Variants in RHBDL2 observed in about 807,000 individuals in gnomAD.
The protein encoded by RHBDL2 is rhomboid like 2, also known as rhomboid-related protein 2.
A neutral mutation model predicts 31.7 loss-of-function variants in RHBDL2; 26 were observed. The observed-to-expected ratio is 0.82, with a 90% CI of 0.60 to 1.14. The LOEUF (loss-of-function observed/expected upper bound fraction) is 1.14, where lower values mean the gene tolerates loss of function less well. Among genes scored for constraint, RHBDL2 ranks in the 50% most tolerant of loss-of-function variants. The probability of loss-of-function intolerance (pLI) is 0.00; values close to 1 mark genes in which losing one functional copy is unlikely to be tolerated. For synonymous variants in RHBDL2, 123 were observed against 127.2 expected (o/e 0.97, Z 0.22); for missense variants, 336 against 364.4 (o/e 0.92, Z 0.63).
intron 4 of RHBDL2, among the ~76,000 whole-genome samples, chr1:38,897,873 G>A (rs898839056): frequency 6.6e-6 from 1 of 152,244 alleles, no homozygotes; most frequent in Admixed American, 6.5e-5. Context: ...GCTCACGCCT[G>A]TAATCCCAGC....
chr1:38,901,461 CAA>C (rs532037662), intron 4 of RHBDL2, among the ~76,000 whole-genome samples: 11 of 51,862 alleles, frequency 2.1e-4, no homozygotes, highest in Non-Finnish European at 3.9e-4. Flanking sequence ...GGCTCAGTCT[CAA>C]AAAAAAAAAA....
intron 6 of RHBDL2, among the ~76,000 whole-genome samples, chr1:38,891,026 T>C (rs1191505179): frequency 6.6e-6 from 1 of 152,106 alleles, no homozygotes; most frequent in Admixed American, 6.5e-5. Flanking sequence ...CTCATCACTT[T>C]GGGAGGCTGA....
chr1:38,925,516 C>CAA (rs796466193), intron 1 of RHBDL2, among the ~76,000 whole-genome samples: 84 of 126,034 alleles, frequency 6.7e-4, no homozygotes, highest in Admixed American at 1.4e-3. Flanking sequence ...GATTCTGTCT[C>CAA]AAAAAAAAAA....
At chr1:38,919,476 C>T in intron 1 of RHBDL2, 139 bp from the exon 2 acceptor site, 1 of 656,948 alleles carries the variant, frequency 1.5e-6, no homozygotes, top group Non-Finnish European at 2.3e-6. Flanking sequence ...CATGTATCAG[C>T]TGTAAGTTAA....
At chr1:38,898,397 G>C (rs1052255143) in intron 4 of RHBDL2, among the ~76,000 whole-genome samples, 8 of 152,162 alleles carry the variant, frequency 5.3e-5, no homozygotes, top group Admixed American at 3.3e-4. Flanking sequence ...ATAATCATAT[G>C]AGAAATTTAT....
chr1:38,886,716 T>C, intron 7 of RHBDL2, 33 bp from the exon 8 acceptor site: 1 of 1,486,700 alleles, frequency 6.7e-7, no homozygotes, highest in Non-Finnish European at 9.1e-7. Flanking sequence ...TGGAAATAAG[T>C]GAAGACAATG....
At chr1:38,890,019 A>T (rs1430567607) in intron 6 of RHBDL2, among the ~76,000 whole-genome samples, 1 of 151,864 alleles carries the variant, frequency 6.6e-6, no homozygotes, top group Non-Finnish European at 1.5e-5. Flanking sequence ...TGCTAGATTC[A>T]TGAGGCTATA....
intron 2 of RHBDL2, among the ~76,000 whole-genome samples, 190 bp downstream of exon 2, chr1:38,918,777 G>A (rs755458924): frequency 2.0e-5 from 3 of 152,294 alleles, no homozygotes; most frequent in Non-Finnish European, 4.4e-5. Flanking sequence ...GGCAGTGACC[G>A]TGAGTATAGG....
chr1:38,911,473 A>C (rs376856515), intron 3 of RHBDL2, 39 bp from the exon 4 acceptor site: 3 of 1,359,530 alleles, frequency 2.2e-6, no homozygotes, highest in Non-Finnish European at 3.2e-6. Flanking sequence ...ATTATGACTA[A>C]ACCAAGCAGT....
At chr1:38,930,262 A>C (rs533115019) in intron 1 of RHBDL2, among the ~76,000 whole-genome samples, 13 of 152,188 alleles carry the variant, frequency 8.5e-5, no homozygotes, top group Admixed American at 2.6e-4. Flanking sequence ...ACTCTACAGA[A>C]CCACTTTCGC....
intron 1 of RHBDL2, among the ~76,000 whole-genome samples, chr1:38,931,283 A>G (rs1643435959): frequency 6.6e-6 from 1 of 152,160 alleles, no homozygotes; most frequent in Non-Finnish European, 1.5e-5. Flanking sequence ...GTACTTTGGG[A>G]GGCCGAGGTG....
At chr1:38,940,589 T>C (rs1194427392) in intron 1 of RHBDL2, among the ~76,000 whole-genome samples, 2 of 152,070 alleles carry the variant, frequency 1.3e-5, no homozygotes, top group East Asian at 1.9e-4. Context: ...GTCTAGCATA[T>C]CTTTACAAGC....
chr1:38,929,650 T>C, intron 1 of RHBDL2: 1 of 1,163,188 alleles, frequency 8.6e-7, no homozygotes, highest in Non-Finnish European at 1.1e-6. Flanking sequence ...GGCAGCGGGC[T>C]GTGCTGGGTG....
At chr1:38,889,427 A>G (rs901483376) in intron 6 of RHBDL2, among the ~76,000 whole-genome samples, 2 of 152,192 alleles carry the variant, frequency 1.3e-5, no homozygotes, top group African/African-American at 2.4e-5. Context: ...TCTAGCTGCC[A>G]TATAGGAAGT....
At chr1:38,903,612 G>A (rs768686867) in intron 4 of RHBDL2, among the ~76,000 whole-genome samples, 6 of 152,120 alleles carry the variant, frequency 3.9e-5, no homozygotes, top group Non-Finnish European at 7.3e-5. Context: ...TGTTCAACAT[G>A]GGTTGGAAGA....
chr1:38,933,681 A>G (rs1643461634), intron 1 of RHBDL2, among the ~76,000 whole-genome samples: 1 of 151,170 alleles, frequency 6.6e-6, no homozygotes, highest in African/African-American at 2.4e-5. Context: ...CAGCAAACAC[A>G]TGGCCGGCGA....
chr1:38,935,189 C>G (rs1428380280), intron 1 of RHBDL2, among the ~76,000 whole-genome samples: 1 of 152,122 alleles, frequency 6.6e-6, no homozygotes, highest in Non-Finnish European at 1.5e-5. Context: ...CAAAGCCTGT[C>G]CTCACTGTCA....
At chr1:38,899,532 A>G (rs1170848020) in intron 4 of RHBDL2, among the ~76,000 whole-genome samples, 1 of 152,112 alleles carries the variant, frequency 6.6e-6, no homozygotes, top group East Asian at 1.9e-4. Context: ...TGACCCCTGA[A>G]CTCCTAACTG....
At chr1:38,922,798 G>GA (rs1431382870) in intron 1 of RHBDL2, among the ~76,000 whole-genome samples, 1 of 151,716 alleles carries the variant, frequency 6.6e-6, no homozygotes, top group Non-Finnish European at 1.5e-5. Context: ...TGGTAACAAT[G>GA]AAAAAGACTT....
Sources: gnomAD v4.1 joint callset for allele counts (sites outside exome capture counted in the v4.1 genomes callset) on GRCh38, gnomAD v4.1.1 for gene constraint, MANE v1.5 for transcripts, NCBI Gene and HGNC (gene_info 2026-07-23, HGNC 2026-07-21) for gene names.